MANBA: variants seen among roughly 807,000 people sequenced by gnomAD.
MANBA encodes mannosidase beta.
In MANBA, 83 loss-of-function variants were observed where a neutral mutation model predicts 111.1. The ratio of observed to expected loss-of-function variants is 0.75; its 90% CI spans 0.63 to 0.90. MANBA has a LOEUF of 0.90. Among genes scored for constraint, MANBA ranks in the 40% least tolerant of loss-of-function variants. The pLI, the probability that MANBA is intolerant of heterozygous loss-of-function variation, is 0.00. For synonymous variants in MANBA, 370 were observed against 378.7 expected, an observed-to-expected ratio of 0.98 and a Z score of 0.27; for missense variants, 1,036 against 1,069.0, an observed-to-expected ratio of 0.97 and a Z score of 0.43.
chr4:102,739,345 A>C (rs987530988), intron 1 of MANBA, among the ~76,000 whole-genome samples: 2 of 152,230 alleles, frequency 1.3e-5, no homozygotes, highest in African/African-American at 4.8e-5. Context: ...CCAGGACCAG[A>C]TGGATTCACA....
At chr4:102,635,251 T>G (rs528243850) in intron 15 of MANBA, among the ~76,000 whole-genome samples, 2 of 152,264 alleles carry the variant, frequency 1.3e-5, no homozygotes, top group South Asian at 4.1e-4. Flanking sequence ...AGAATGAAAA[T>G]AACAGCAGTA....
intron 7 of MANBA, 123 bp from the exon 8 acceptor site, chr4:102,674,193 C>T: frequency 1.4e-6 from 1 of 697,474 alleles, no homozygotes; most frequent in Middle Eastern, 4.0e-4. Flanking sequence ...TTCCTATTTA[C>T]TATGAAGCAC....
intron 1 of MANBA, among the ~76,000 whole-genome samples, chr4:102,751,218 T>C (rs745367484): frequency 2.0e-5 from 3 of 152,222 alleles, no homozygotes; most frequent in Non-Finnish European, 2.9e-5. Context: ...GACAGACTCA[T>C]GGCTCCTTAG....
intron 14 of MANBA, among the ~76,000 whole-genome samples, chr4:102,637,124 T>G (rs1413852569): frequency 1.3e-5 from 2 of 152,224 alleles, no homozygotes; most frequent in Non-Finnish European, 2.9e-5. Flanking sequence ...TTCCCAGCCA[T>G]GTGGAACTGT....
chr4:102,641,144 G>A (rs1729863059), intron 13 of MANBA, among the ~76,000 whole-genome samples: 1 of 152,166 alleles, frequency 6.6e-6, no homozygotes, highest in South Asian at 2.1e-4. Flanking sequence ...GTAGAGTGAG[G>A]ATTGGCCTAA....
chr4:102,650,716 A>G lies in MANBA; in HGVS notation c.1705-15T>C, dbSNP rs1730297853. 4 of 1,605,506 alleles carry G rather than the reference A, an allele frequency of 2.5e-6. No individual in the cohort carries two copies. The highest frequency in any genetic ancestry group is 2.6e-6 in the Non-Finnish European group (3 of 1,172,594). Reference sequence around the variant, plus strand: ...GTAGACGAGACCTTTCAAATAAAGAATAAGAATTAGAAATCTGAAAGTTGG... The same window carrying G: ...GTAGACGAGACCTTTCAAATAAAGAGTAAGAATTAGAAATCTGAAAGTTGG... On this transcript the variant is annotated splice_polypyrimidine_tract_variant and intron_variant, in intron 12 of 16. Transcript: ENST00000647097.
At chr4:102,702,836 T>C (rs998174226) in intron 5 of MANBA, among the ~76,000 whole-genome samples, 1 of 152,202 alleles carries the variant, frequency 6.6e-6, no homozygotes, top group Non-Finnish European at 1.5e-5. Context: ...AAGATATAAA[T>C]TGAACACTTG....
rs905255725 is a variant in MANBA at position 102,664,787 on chromosome 4, C to T, written c.1383G>A (p.Ala461=). Residue 461 remains alanine, a synonymous_variant, in exon 11 of 17, where the codon GCG becomes GCA. Transcript: ENST00000647097. ...TGATATGATACCAATTCATCATCAG[C>T]GCCTCCTCATTTTCATTATTGCCAC... is the stretch of plus-strand genomic sequence containing the variant. ...IWSGNNENEE[A]LMMNWYHISF... The T allele has an allele frequency of 1.1e-5, 17 of 1,609,750 alleles. No homozygotes were observed. Among genetic ancestry groups the T allele is most frequent in the Admixed American group, 1.0e-4 (6 of 59,998 alleles).
chr4:102,656,183 G>A (rs749579217), intron 12 of MANBA, among the ~76,000 whole-genome samples: 4 of 152,096 alleles, frequency 2.6e-5, no homozygotes, highest in Non-Finnish European at 5.9e-5. Context: ...CAGCCTGAGA[G>A]GTCAAATCTG....
At chr4:102,664,583 C>T in intron 11 of MANBA, 102 bp downstream of exon 11, 1 of 1,014,288 alleles carries the variant, frequency 9.9e-7, no homozygotes, top group Non-Finnish European at 1.5e-6. Flanking sequence ...TGTGATCCGC[C>T]CGCCTCAGCC....
intron 11 of MANBA, among the ~76,000 whole-genome samples, chr4:102,659,932 G>A (rs1426636675): frequency 1.3e-5 from 2 of 151,926 alleles, no homozygotes; most frequent in East Asian, 3.9e-4. Context: ...TCCCCAGATG[G>A]ACACTCTACC....
At position 102,728,120 on chromosome 4, in the gene MANBA, T is replaced by C. The variant is rs1722881441; in HGVS notation, c.178-1437A>G. 3 of 537,518 alleles carry C rather than the reference T, an allele frequency of 5.6e-6. No individual in the cohort carries two copies. In the Admixed American group the frequency reaches 5.8e-5, roughly 10 times the overall value. The allele number at this position is 537,518 out of a possible 1,614,324, so 33.3% of individuals were successfully genotyped here. Reference sequence around the variant, plus strand: ...AGAGAAGACTGCTGCCTTATGCTCTTGGTTGAACGAAGGCTTGGTATAGAT... The same window carrying C: ...AGAGAAGACTGCTGCCTTATGCTCTCGGTTGAACGAAGGCTTGGTATAGAT... On this transcript the variant is annotated intron_variant, in intron 1 of 16. Coordinates refer to ENST00000647097, the MANE Select transcript of MANBA (RefSeq NM_005908.4).
chr4:102,729,191 T>A (rs1238423092), intron 1 of MANBA: 3 of 725,120 alleles, frequency 4.1e-6, no homozygotes, highest in Non-Finnish European at 7.6e-6. Flanking sequence ...AGGGAAGCCC[T>A]CTGGCCTTTG....
chr4:102,636,558 C>T (rs1489713526), intron 14 of MANBA, among the ~76,000 whole-genome samples: 2 of 152,108 alleles, frequency 1.3e-5, no homozygotes, highest in Non-Finnish European at 2.9e-5. Flanking sequence ...AATATATAAC[C>T]ATTTCGGGTG....
chr4:102,649,227 T>C (rs1030223217), intron 13 of MANBA, among the ~76,000 whole-genome samples: 1 of 152,188 alleles, frequency 6.6e-6, no homozygotes, highest in African/African-American at 2.4e-5. Flanking sequence ...ATTTGAGATA[T>C]CCATTGGTGG....
chr4:102,653,748 G>C (rs1355305976), intron 12 of MANBA, among the ~76,000 whole-genome samples: 1 of 152,052 alleles, frequency 6.6e-6, no homozygotes, highest in Admixed American at 6.5e-5. Context: ...CAAAAATATG[G>C]GATAAAAATA....
chr4:102,658,041 C>A, intron 11 of MANBA, 141 bp from the exon 12 acceptor site: 1 of 692,146 alleles, frequency 1.4e-6, no homozygotes, highest in South Asian at 1.6e-5. Context: ...TACCTTCTTC[C>A]CTATTCAACA....
chr4:102,721,397 G>A (rs1385290875), intron 4 of MANBA, among the ~76,000 whole-genome samples: 7 of 152,102 alleles, frequency 4.6e-5, no homozygotes, highest in Non-Finnish European at 7.4e-5. Flanking sequence ...ATTACCATAT[G>A]ATCCAACCAT....
At chr4:102,728,051 G>A (rs1433858471) in intron 1 of MANBA, 1 of 506,316 alleles carries the variant, frequency 2.0e-6, no homozygotes. Context: ...GGCTTTTGCA[G>A]GGGTGGAGAT....
Sources: gnomAD v4.1 joint callset for allele counts (sites outside exome capture counted in the v4.1 genomes callset) on GRCh38, gnomAD v4.1.1 for gene constraint, MANE v1.5 for transcripts, NCBI Gene and HGNC (gene_info 2026-07-23, HGNC 2026-07-21) for gene names.